GARNL3: variants seen among roughly 807,000 people sequenced by gnomAD.
GARNL3 encodes GTPase activating Rap/RanGAP domain like 3, also known as GTPase-activating Rap/Ran-GAP domain-like protein 3.
Under a neutral mutation model 125.0 loss-of-function variants are expected in GARNL3, and 63 were observed. The observed-to-expected ratio is 0.50, with a 90% confidence interval of 0.41 to 0.62. The LOEUF is 0.62. Ranked by LOEUF, GARNL3 falls within the 20% of genes least tolerant of loss-of-function variation. GARNL3 has a pLI of 0.00. For synonymous variants in GARNL3, 439 were observed against 457.5 expected, an observed-to-expected ratio of 0.96 and a Z score of 0.52; for missense variants, 994 against 1,244.0, an observed-to-expected ratio of 0.80 and a Z score of 3.02.
At chr9:127,285,166 T>C (rs2064211271) in intron 1 of GARNL3, among the ~76,000 whole-genome samples, 2 of 152,216 alleles carry the variant, frequency 1.3e-5, no homozygotes, top group Non-Finnish European at 2.9e-5. Flanking sequence ...GGGCCAGACA[T>C]GGTGGCTCAT....
intron 1 of GARNL3, among the ~76,000 whole-genome samples, chr9:127,272,491 T>C (rs950577589): frequency 6.1e-5 from 8 of 130,268 alleles, no homozygotes; most frequent in African/African-American, 2.2e-4. Context: ...GGCCAACTCT[T>C]TTTTTTTTTT....
At chr9:127,286,391 G>A (rs1430352664) in intron 1 of GARNL3, among the ~76,000 whole-genome samples, 1 of 152,204 alleles carries the variant, frequency 6.6e-6, no homozygotes, top group Non-Finnish European at 1.5e-5. Context: ...TTGCTAGAGA[G>A]GGTGGTTAGT....
intron 17 of GARNL3, chr9:127,353,446 T>G (rs1564170295): frequency 5.2e-6 from 1 of 190,748 alleles, no homozygotes; most frequent in Non-Finnish European, 1.1e-5. Context: ...AAATATTACA[T>G]AAAAATGAGA....
intron 2 of GARNL3, among the ~76,000 whole-genome samples, chr9:127,301,426 T>TA (rs1235013087): frequency 6.6e-6 from 1 of 152,208 alleles, no homozygotes; most frequent in African/African-American, 2.4e-5. Flanking sequence ...CACTATGATA[T>TA]AATGGAGACT....
intron 14 of GARNL3, among the ~76,000 whole-genome samples, chr9:127,343,562 C>A (rs187776850): frequency 4.5e-4 from 68 of 152,322 alleles, no homozygotes; most frequent in Non-Finnish European, 7.2e-4. Context: ...AGACTCTGTG[C>A]TCCACAAGGA....
chr9:127,244,772 G>A (rs1403422354), intron 2 of GARNL3, among the ~76,000 whole-genome samples: 2 of 152,248 alleles, frequency 1.3e-5, no homozygotes, highest in Non-Finnish European at 1.5e-5. Flanking sequence ...AGATAAAATC[G>A]TGATGGTCAG....
intron 16 of GARNL3, among the ~76,000 whole-genome samples, chr9:127,346,161 A>G (rs1223600292): frequency 6.6e-6 from 1 of 152,204 alleles, no homozygotes; most frequent in African/African-American, 2.4e-5. Context: ...CAAAAATAAA[A>G]CAGACAAAAA....
At chr9:127,344,401 A>G (rs767419646) in intron 15 of GARNL3, 62 bp downstream of exon 15, 3 of 1,097,770 alleles carry the variant, frequency 2.7e-6, no homozygotes, top group African/African-American at 3.1e-5. Context: ...TCCTAACCAG[A>G]TGGCCCATGT....
intron 1 of GARNL3, among the ~76,000 whole-genome samples, chr9:127,234,614 T>C (rs1040030606): frequency 6.6e-6 from 1 of 152,242 alleles, no homozygotes; most frequent in African/African-American, 2.4e-5. Flanking sequence ...GGCTATTCAC[T>C]GTAGGATTGC....
intron 12 of GARNL3, among the ~76,000 whole-genome samples, chr9:127,338,837 C>T (rs1232261379): frequency 6.6e-6 from 1 of 152,190 alleles, no homozygotes; most frequent in East Asian, 1.9e-4. Flanking sequence ...GAGGGGAAAG[C>T]GAGGTAGTGG....
intron 24 of GARNL3, 108 bp from the exon 25 acceptor site, chr9:127,387,085 C>A: frequency 8.2e-7 from 1 of 1,212,426 alleles, no homozygotes; most frequent in Non-Finnish European, 1.2e-6. Context: ...GCACTGTATG[C>A]TCCAAGGATG....
In GARNL3 at chr9:127,230,458, G is replaced by A. The variant is rs377037554; in HGVS notation, c.-29+6120G>A. Reference sequence around the variant, plus strand: ...GCAGATCACCTGAGGTCGGGAGTTCGAACCTGACCAACATGCAGAAACCCC... The same window carrying A: ...GCAGATCACCTGAGGTCGGGAGTTCAAACCTGACCAACATGCAGAAACCCC... On this transcript the variant is annotated intron_variant, in intron 1 of 10. Transcript: ENST00000439286. Among the ~76,000 whole-genome samples the A allele has an allele frequency of 7.9e-5, 12 of 152,030 alleles. 1 individual carries two copies. In the East Asian group the frequency reaches 1.5e-3, roughly 20 times the overall value.
rs775345279 is a variant in GARNL3, at chr9:127,355,424, G to T, written c.1887G>T (p.Leu629Phe). The T allele has an allele frequency of 6.2e-7, 1 of 1,614,218 alleles. No individual in the cohort carries two copies. Among genetic ancestry groups the T allele is most frequent in the East Asian group, 2.2e-5 (1 of 44,888 alleles). The change falls in exon 20 of 28, where the codon TTG becomes TTT. Residue 629 changes from leucine (L) to phenylalanine (F), a missense_variant. Coordinates refer to ENST00000373387, the MANE Select transcript of GARNL3 (RefSeq NM_032293.5). The part of the protein sequence containing the change: ...NKPSGVTSTS[L>F]LSPLSESPVE... ...CAAGCGGGGTCACCAGCACCTCATT[G>T]TTATCTCCCCTGTCTGAGTCACCTG...
chr9:127,248,423 G>A (rs1324517418), intron 2 of GARNL3, among the ~76,000 whole-genome samples: 7 of 152,204 alleles, frequency 4.6e-5, no homozygotes, highest in African/African-American at 1.4e-4. Context: ...CCTTGCAGCT[G>A]ACCTGGCAGG....
In GARNL3 at chr9:127,270,379, G is replaced by T. The variant is rs550482416; in HGVS notation, c.144+5358G>T. On this transcript the variant is annotated intron_variant, in intron 1 of 27. Transcript: ENST00000373387. The stretch of plus-strand genomic sequence containing the variant: ...CTTCAGCTGTTCATTGTACTTCAAG[G>T]CCAGACCATGTACCAAGCCCTACAA... 2.0e-5 allele frequency among the ~76,000 whole-genome samples: 3 copies of T among 152,260 alleles called. No individual in the cohort carries two copies. The South Asian group carries it at 6.2e-4, about 32-fold the overall frequency.
At chr9:127,320,675 T>G (rs2065371948) in intron 5 of GARNL3, 40 bp from the exon 6 acceptor site, 4 of 1,468,896 alleles carry the variant, frequency 2.7e-6, no homozygotes, top group Non-Finnish European at 9.5e-7. Flanking sequence ...CCTTTTTAGC[T>G]TCTCTGATGC....
At chr9:127,267,945 T>A (rs1458128230) in intron 1 of GARNL3, among the ~76,000 whole-genome samples, 9 of 152,232 alleles carry the variant, frequency 5.9e-5, no homozygotes, top group Non-Finnish European at 8.8e-5. Context: ...GCTCGGCCAT[T>A]CATATCAGTA....
intron 2 of GARNL3, among the ~76,000 whole-genome samples, chr9:127,297,455 T>A (rs1483102669): frequency 6.6e-6 from 1 of 152,104 alleles, no homozygotes; most frequent in Non-Finnish European, 1.5e-5. Flanking sequence ...TTCTTTTTTC[T>A]TTTTTTTCTT....
intron 2 of GARNL3, among the ~76,000 whole-genome samples, chr9:127,294,861 G>T (rs879767149): frequency 6.6e-6 from 1 of 152,192 alleles, no homozygotes; most frequent in African/African-American, 2.4e-5. Context: ...AGATGGCAGG[G>T]AGAGCCATCA....
Sources: allele counts gnomAD v4.1 joint callset (sites outside exome capture counted in the v4.1 genomes callset), GRCh38; gene constraint gnomAD v4.1.1; transcripts MANE v1.5; gene names NCBI Gene and HGNC (gene_info 2026-07-23, HGNC 2026-07-21).